Variants in VWA5B1 observed in about 807,000 individuals in gnomAD.
VWA5B1 encodes the protein von Willebrand factor A domain containing 5B1.
Under a neutral mutation model 118.2 loss-of-function variants are expected in VWA5B1, and 115 were observed. That is an observed-to-expected ratio of 0.97 (90% CI 0.84 to 1.14). The LOEUF is 1.14. VWA5B1 is among the 50% of genes most tolerant of loss of function. VWA5B1 has a pLI of 0.00. For synonymous variants in VWA5B1, 682 were observed against 658.4 expected (o/e 1.04, Z -0.55); for missense variants, 1,596 against 1,603.8 (o/e 1.00, Z 0.08).
chr1:20,354,008 A>G lies in VWA5B1; in HGVS notation c.3393A>G (p.Ala1131=). Reference sequence around the variant, plus strand: ...GCAAGCTGGGCCTGGAGCCGAGGGCAGTGGTGGAGCACACTGGGAAGCTGT... The same window carrying G: ...GCAAGCTGGGCCTGGAGCCGAGGGCGGTGGTGGAGCACACTGGGAAGCTGT... The part of the protein sequence containing the change: ...AKGKLGLEPR[A]VVEHTGKLWA... The change falls in exon 22 of 22, where the codon GCA becomes GCG. Residue 1131 remains alanine (A), a synonymous_variant. Coordinates refer to ENST00000289815, the MANE Select transcript of VWA5B1 (RefSeq NM_001039500.3). 6.4e-7 allele frequency: 1 copy of G among 1,551,734 alleles called. No individual in the cohort carries two copies. Among genetic ancestry groups the G allele is most frequent in the African/African-American group, 1.4e-5 (1 of 73,182 alleles).
At chr1:20,308,480 GA>G (rs1174412160) in intron 1 of VWA5B1, among the ~76,000 whole-genome samples, 1 of 152,182 alleles carries the variant, frequency 6.6e-6, no homozygotes, top group Non-Finnish European at 1.5e-5. Context: ...GATGCAGGGG[GA>G]CTGGGCGGGG....
At chr1:20,293,393 G>T (rs2088348548) in intron 1 of VWA5B1, among the ~76,000 whole-genome samples, 1 of 152,238 alleles carries the variant, frequency 6.6e-6, no homozygotes, top group Admixed American at 6.5e-5. Context: ...GGCAGTGGAA[G>T]AGGCACCCAG....
rs1037815282 is a variant in VWA5B1, at chr1:20,355,067, A to C, written c.*804A>C. Among the ~76,000 whole-genome samples, 1 of 152,256 alleles carries C rather than the reference A, an allele frequency of 6.6e-6. No individual in the cohort carries two copies. The highest frequency in any genetic ancestry group is 2.1e-4 in the South Asian group (1 of 4,832). Reference sequence around the variant, plus strand: ...CTAAAAGAACAGACATGGTCACAGAAGTCAATGAAGACACCAGACAACACC... The same window carrying C: ...CTAAAAGAACAGACATGGTCACAGACGTCAATGAAGACACCAGACAACACC... On this transcript the variant is annotated 3_prime_UTR_variant, in exon 22 of 22. Coordinates refer to ENST00000289815, the MANE Select transcript of VWA5B1 (RefSeq NM_001039500.3).
rs368159061 is a variant in VWA5B1 at position 20,315,701 on chromosome 1, G to A, written c.563+1109G>A. Among the ~76,000 whole-genome samples, 7 of 152,322 alleles carry A rather than the reference G, an allele frequency of 4.6e-5. No homozygotes were observed. The South Asian group carries it at 1.0e-3, about 23-fold the overall frequency. On this transcript the variant is annotated intron_variant, in intron 4 of 21. Coordinates refer to ENST00000289815, the MANE Select transcript of VWA5B1 (RefSeq NM_001039500.3). Reference sequence around the variant, plus strand: ...GGCAGCAGCAGGTGCCATGTGTCACGGCAGCAGCAGAAAGGCTGGTGTGGC... The same window carrying A: ...GGCAGCAGCAGGTGCCATGTGTCACAGCAGCAGCAGAAAGGCTGGTGTGGC...
chr1:20,342,514 A>G lies in VWA5B1; in HGVS notation c.2216A>G (p.Gln739Arg). ...GCCCGAAGGCCCTCTCTGCTGCCCCAAGGCTGCCAGCCCTTCCTGCCCTGG... is the reference window on the plus strand; with the variant it reads ...GCCCGAAGGCCCTCTCTGCTGCCCCGAGGCTGCCAGCCCTTCCTGCCCTGG... ...PGARRPSLLP[Q>R]GCQPFLPWGQ... Residue 739 changes from glutamine to arginine, a missense_variant, in exon 15 of 22, where the codon CAA (glutamine) becomes CGA (arginine). Physicochemically the swap from Gln to Arg is conservative, Grantham distance 43. Coordinates refer to ENST00000289815, the MANE Select transcript of VWA5B1 (RefSeq NM_001039500.3). The G allele has an allele frequency of 1.3e-6, 2 of 1,550,640 alleles. No homozygotes were observed. Among genetic ancestry groups the G allele is most frequent in the Non-Finnish European group, 1.7e-6 (2 of 1,146,622 alleles).
At chr1:20,330,520 G>A in intron 10 of VWA5B1, 138 bp downstream of exon 10, 1 of 1,105,350 alleles carries the variant, frequency 9.0e-7, no homozygotes, top group East Asian at 2.6e-5. Context: ...TTCCAAGATA[G>A]TGTGGGCTGA....
intron 15 of VWA5B1, 102 bp downstream of exon 15, chr1:20,342,711 GT>G (rs2089908764): frequency 1.5e-6 from 2 of 1,363,086 alleles, no homozygotes; most frequent in South Asian, 1.5e-5. Context: ...GCCTGGGTCT[GT>G]CCCCTTGTGG....
Position 20,354,491 on chromosome 1 carries a change from T to A in VWA5B1, c.*228T>A. The A allele has an allele frequency of 1.7e-6, 1 of 575,964 alleles. No homozygotes were observed. The highest frequency in any genetic ancestry group is 3.0e-6 in the Non-Finnish European group (1 of 330,154). 35.7% of individuals were successfully genotyped at this position (575,964 alleles called of 1,614,324 possible). A position where few individuals can be genotyped will look rare whatever the true frequency, so the allele number is the denominator to read the frequency against. The stretch of plus-strand genomic sequence containing the variant: ...CCCCGTCTGGGCCTCAGTTTCCTCA[T>A]CTATAAAATAAGAGGGCGAGATGAA... On this transcript the variant is annotated 3_prime_UTR_variant, in exon 22 of 22. Coordinates refer to ENST00000289815, the MANE Select transcript of VWA5B1 (RefSeq NM_001039500.3).
At chr1:20,312,595 A>G (rs781323272) in intron 2 of VWA5B1, among the ~76,000 whole-genome samples, 3 of 152,202 alleles carry the variant, frequency 2.0e-5, no homozygotes, top group Non-Finnish European at 2.9e-5. Flanking sequence ...GGAAAATCAG[A>G]AGTTCTGGCC....
intron 7 of VWA5B1, among the ~76,000 whole-genome samples, chr1:20,322,890 G>A (rs757269837): frequency 2.0e-4 from 31 of 152,126 alleles, no homozygotes; most frequent in Non-Finnish European, 4.0e-4. Context: ...ATTTAACAAC[G>A]GGAGAGAATC....
At chr1:20,314,951 T>C (rs184816486) in intron 4 of VWA5B1, among the ~76,000 whole-genome samples, 1 of 152,202 alleles carries the variant, frequency 6.6e-6, no homozygotes, top group Non-Finnish European at 1.5e-5. Context: ...AAAACCAACA[T>C]GTTTCCTGAC....
Position 20,310,658 on chromosome 1 carries a change from TG to T in VWA5B1, c.58del (p.Val20LeufsTer12). On this transcript the variant is annotated frameshift_variant, in exon 2 of 22. Transcript: ENST00000289815. LOFTEE classifies it high-confidence loss of function. ...CAGCCCTGCCCCTCACCGCGTCTGA[TG>T]TTACCTCCTGTGTCAGCGGTTATGC... ...GAALPLTASD[V>X]TSCVSGYALG... 1 of 1,551,194 alleles carries T rather than the reference TG, an allele frequency of 6.4e-7. No individual in the cohort carries two copies. The highest frequency in any genetic ancestry group is 8.7e-7 in the Non-Finnish European group (1 of 1,146,772).
rs1176420157 is a variant in VWA5B1, at chr1:20,357,388, G to T, written c.*3125G>T. Among the ~76,000 whole-genome samples the T allele has an allele frequency of 6.6e-6, 1 of 152,232 alleles. No individual in the cohort carries two copies. The highest frequency in any genetic ancestry group is 2.1e-4 in the South Asian group (1 of 4,832). ...ACTGTGCTATGGGCAAAGATGTTGA[G>T]GAAGCAGTAGAAAGACAAACTTCTT... is the stretch of plus-strand genomic sequence containing the variant. On this transcript the variant is annotated 3_prime_UTR_variant, in exon 22 of 22. Coordinates refer to ENST00000289815, the MANE Select transcript of VWA5B1 (RefSeq NM_001039500.3).
chr1:20,324,945 C>T (rs1352356850), intron 8 of VWA5B1, among the ~76,000 whole-genome samples: 2 of 152,212 alleles, frequency 1.3e-5, no homozygotes, highest in Non-Finnish European at 2.9e-5. Flanking sequence ...GAAGCACGCT[C>T]AAGGCCTCTG....
At chr1:20,329,732 A>G (rs924927530) in intron 9 of VWA5B1, among the ~76,000 whole-genome samples, 1 of 152,018 alleles carries the variant, frequency 6.6e-6, no homozygotes. Context: ...AGAGCAAGGA[A>G]ATCTGAAGCC....
chr1:20,339,067 C>A (rs2089803565), intron 14 of VWA5B1: 2 of 152,206 alleles, frequency 1.3e-5, no homozygotes, highest in Non-Finnish European at 2.9e-5. Context: ...ATTCTGTGCA[C>A]TGTAGAATGT....
chr1:20,319,542 G>T, intron 7 of VWA5B1, 36 bp downstream of exon 7: 1 of 1,549,806 alleles, frequency 6.5e-7, no homozygotes. Flanking sequence ...GACGGTGGCA[G>T]AGTTGGGGTG....
At chr1:20,317,155 CAAAAAAAA>C (rs367872784) in intron 4 of VWA5B1, among the ~76,000 whole-genome samples, 2 of 70,528 alleles carry the variant, frequency 2.8e-5, no homozygotes, top group African/African-American at 5.7e-5. Flanking sequence ...GACTGCATCT[CAAAAAAAA>C]AAAAAAAAAA....
intron 12 of VWA5B1, 23 bp from the exon 13 acceptor site, chr1:20,336,280 C>T (rs1179138836): frequency 7.3e-7 from 1 of 1,368,764 alleles, no homozygotes; most frequent in South Asian, 2.0e-5. Flanking sequence ...ACTCCTAGCC[C>T]TCTTTTCTGT....
Sources: allele counts gnomAD v4.1 joint callset (sites outside exome capture counted in the v4.1 genomes callset), GRCh38; gene constraint gnomAD v4.1.1; transcripts MANE v1.5; gene names NCBI Gene and HGNC (gene_info 2026-07-23, HGNC 2026-07-21).